Variants in IAH1 observed in about 807,000 individuals in gnomAD.
IAH1 encodes the protein isoamyl acetate hydrolyzing esterase 1 (putative).
In IAH1, 24 loss-of-function variants were observed where a neutral mutation model predicts 26.7. The observed-to-expected ratio is 0.90, with a 90% confidence interval of 0.65 to 1.26. The LOEUF (loss-of-function observed/expected upper bound fraction) is 1.26, where lower values mean the gene tolerates loss of function less well. Among genes scored for constraint, IAH1 ranks in the 50% most tolerant of loss-of-function variants. The pLI is 0.00. For synonymous variants in IAH1, 140 were observed against 118.5 expected, an observed-to-expected ratio of 1.18 and a Z score of -1.18; for missense variants, 300 against 299.9, an observed-to-expected ratio of 1.00 and a Z score of 0.00.
chr2:9,475,077 C>G, intron 1 of IAH1: 1 of 1,233,326 alleles, frequency 8.1e-7, no homozygotes. Flanking sequence ...AGCTCTCTCG[C>G]CCCATTCCCT....
chr2:9,482,189 C>T (rs1424032433), intron 4 of IAH1, among the ~76,000 whole-genome samples: 3 of 151,948 alleles, frequency 2.0e-5, no homozygotes, highest in Non-Finnish European at 2.9e-5. Context: ...CCACCACGCC[C>T]GGCTAATTTT....
At chr2:9,509,928 T>G in the IAH1 span, 1 of 1,602,556 alleles carries the variant, frequency 6.2e-7, no homozygotes, top group Non-Finnish European at 8.5e-7. Flanking sequence ...TTATGATCAT[T>G]ATACACAGCC....
chr2:9,483,031 G>A (rs531388862), intron 4 of IAH1, among the ~76,000 whole-genome samples: 2 of 152,342 alleles, frequency 1.3e-5, no homozygotes, highest in Admixed American at 1.3e-4. Context: ...TTAACAAAAG[G>A]GGAAAAATGT....
chr2:9,491,067 C>A, downstream of IAH1: 4 of 1,597,042 alleles, frequency 2.5e-6, no homozygotes, highest in Non-Finnish European at 3.4e-6. Context: ...TCAGACCAGG[C>A]GAAGATTATG....
chr2:9,502,380 A>G, the IAH1 span: 2 of 978,678 alleles, frequency 2.0e-6, no homozygotes, highest in East Asian at 4.9e-5. Context: ...ACCGGGGAAG[A>G]CCTCCTGGCT....
chr2:9,475,026 C>T, intron 1 of IAH1: 1 of 1,138,638 alleles, frequency 8.8e-7, no homozygotes. Flanking sequence ...CGCGCTGTGT[C>T]CCAGGAGGCC....
intron 2 of IAH1, among the ~76,000 whole-genome samples, chr2:9,477,469 A>C (rs952537252): frequency 6.6e-6 from 1 of 151,560 alleles, no homozygotes; most frequent in Admixed American, 6.6e-5. Flanking sequence ...ATCCCAAATC[A>C]TATCATTTTA....
intron 1 of IAH1, chr2:9,475,049 C>T (rs1456044543): frequency 1.3e-5 from 15 of 1,163,216 alleles, no homozygotes; most frequent in Non-Finnish European, 1.6e-5. Context: ...GCGGCCAGCT[C>T]CGGGCAGAGG....
chr2:9,474,580 A>G lies in IAH1; in HGVS notation c.14A>G (p.Glu5Gly). ...CCCGGCTGCTCCATGGCGCTGTGCG[A>G]GGCCGCGGGCTGCGGGAGTGCCCTG... Reference protein sequence around the residue: MALCEAAGCGSALLW... With the variant: MALCGAAGCGSALLW... Residue 5 changes from glutamate to glycine, a missense_variant, in exon 1 of 6, where the codon GAG becomes GGG. Physicochemically the swap from Glu to Gly is moderately conservative, Grantham distance 98 (BLOSUM62 -2). Coordinates refer to ENST00000497473, the MANE Select transcript of IAH1 (RefSeq NM_001039613.3). The surrounding 1 kb of genome is among the most constrained non-coding windows in gnomAD (Gnocchi z 4.3). The G allele has an allele frequency of 6.8e-7, 1 of 1,480,782 alleles. No homozygotes were observed. Among genetic ancestry groups the G allele is most frequent in the Non-Finnish European group, 9.0e-7 (1 of 1,105,770 alleles). The allele number at this position is 1,480,782 out of a possible 1,614,324, so 91.7% of individuals were successfully genotyped here.
chr2:9,486,429 G>A (rs1041542611), intron 5 of IAH1: 1 of 152,224 alleles, frequency 6.6e-6, no homozygotes, highest in African/African-American at 2.4e-5. Context: ...AACTGAGAGG[G>A]TCGTCCTTAG....
At chr2:9,486,040 C>G (rs1253072241) in intron 5 of IAH1, 1 of 152,264 alleles carries the variant, frequency 6.6e-6, no homozygotes, top group Non-Finnish European at 1.5e-5. Context: ...ACATAGAAAA[C>G]AGCCAAGAAA....
chr2:9,476,141 TTAA>T (rs1453074914), intron 2 of IAH1, 102 bp downstream of exon 2: 22 of 1,030,890 alleles, frequency 2.1e-5, no homozygotes, highest in Non-Finnish European at 3.1e-5. Flanking sequence ...TCCTCCTTTA[TTAA>T]TTTTGCTTGC....
At chr2:9,495,878 T>A (rs925164517) in intron 6 of IAH1, among the ~76,000 whole-genome samples, 182 of 142,860 alleles carry the variant, frequency 1.3e-3, no homozygotes, top group African/African-American at 3.8e-3. Context: ...TTTTTTTTTT[T>A]AAGAGGTGAG....
the IAH1 span, among the ~76,000 whole-genome samples, chr2:9,504,436 G>A: frequency 1.5e-5 from 2 of 133,940 alleles, no homozygotes; most frequent in Non-Finnish European, 3.2e-5. Flanking sequence ...AGAGCGAGAC[G>A]CCGTCTCAAA....
intron 3 of IAH1, among the ~76,000 whole-genome samples, chr2:9,480,166 T>C (rs937762655): frequency 2.6e-5 from 4 of 152,106 alleles, no homozygotes; most frequent in Non-Finnish European, 5.9e-5. Context: ...GGAAACATCA[T>C]GTGGTCACCC....
chr2:9,508,192 G>C, the IAH1 span, among the ~76,000 whole-genome samples: 8 of 152,164 alleles, frequency 5.3e-5, no homozygotes, highest in African/African-American at 1.9e-4. Context: ...CAATATGGTA[G>C]CCACCAACCA....
chr2:9,484,451 G>A lies in IAH1; in HGVS notation c.465G>A (p.Leu155=), dbSNP rs191941661. The A allele has an allele frequency of 1.2e-6, 2 of 1,614,176 alleles. No homozygotes were observed. The highest frequency in any genetic ancestry group is 2.7e-5 in the African/African-American group (2 of 75,062). ...CIIQGCKLNR[L]NSVVGEYANA... is the part of the protein sequence containing the mutation. ...CAATAGGTTGCAAACTAAATCGCCT[G>A]AACTCTGTTGTTGGTGAATATGCCA... The change falls in exon 5 of 6, where the codon CTG becomes CTA. Residue 155 remains leucine, a synonymous_variant. Coordinates refer to ENST00000497473, the MANE Select transcript of IAH1 (RefSeq NM_001039613.3).
upstream of IAH1, chr2:9,474,512 C>A: frequency 8.5e-7 from 1 of 1,175,606 alleles, no homozygotes; most frequent in Non-Finnish European, 1.1e-6. This position sits in a 1 kb window ranked among gnomAD's most constrained non-coding sequence, Gnocchi z 4.3. Flanking sequence ...CGGGCGGCCA[C>A]TGCGCAGGCG....
chr2:9,502,423 C>T, the IAH1 span: 1,136 of 662,852 alleles, frequency 1.7e-3, 11 homozygotes, highest in African/African-American at 0.017. Context: ...CAGACATCTC[C>T]GCTGCTAGAG....
Sources: allele counts gnomAD v4.1 joint callset (sites outside exome capture counted in the v4.1 genomes callset), GRCh38; gene constraint gnomAD v4.1.1; non-coding constraint Gnocchi (gnomAD v3.1); transcripts MANE v1.5; gene names NCBI Gene and HGNC (gene_info 2026-07-23, HGNC 2026-07-21).